Variants in ANKMY1 observed in about 807,000 individuals in gnomAD.
ANKMY1 encodes the protein ankyrin repeat and MYND domain containing 1.
In ANKMY1, 98 loss-of-function variants were observed where a neutral mutation model predicts 102.0. That is an observed-to-expected ratio of 0.96 (90% CI 0.82 to 1.14). The LOEUF (loss-of-function observed/expected upper bound fraction) is 1.14. ANKMY1 is among the 50% of genes most tolerant of loss of function. The pLI is 0.00. For missense variants in ANKMY1, 1,330 were observed against 1,347.6 expected (o/e 0.99, Z 0.20); for synonymous variants, 582 against 559.9 (o/e 1.04, Z -0.56).
At chr2:240,540,675 G>A (rs60037796) in intron 4 of ANKMY1, among the ~76,000 whole-genome samples, 4,933 of 152,236 alleles carry the variant, frequency 0.032, 112 homozygotes, top group Middle Eastern at 0.13. Flanking sequence ...CTCCTCCGCT[G>A]CAGCACCTGA....
Position 240,499,802 on chromosome 2 carries a change from G to A in ANKMY1, c.2806+156C>T, listed in dbSNP as rs976929964. Among the ~76,000 whole-genome samples, 5 of 152,110 alleles carry A rather than the reference G, an allele frequency of 3.3e-5. No homozygotes were observed. The highest frequency in any genetic ancestry group is 7.4e-5 in the Non-Finnish European group (5 of 67,982). On this transcript the variant is annotated intron_variant, in intron 15 of 17. Transcript: ENST00000401804. The surrounding 1 kb of genome is among the most constrained non-coding windows in gnomAD (Gnocchi z 4.2). ...TCAGTCTCTCCTGGACGAGCTCCTT[G>A]GACGACGGGACACAAAGGGGACAAG...
rs571569158 is a variant in ANKMY1, at chr2:240,492,652, T to C, written c.2806+7306A>G. ...ATTTATTTGTATTGTTTGTTCAGTA[T>C]TCTCTTCTATTTCAGGTCCTTTTAA... On this transcript the variant is annotated intron_variant, in intron 15 of 17. Coordinates refer to ENST00000401804, the MANE Select transcript of ANKMY1 (RefSeq NM_001282771.3). Among the ~76,000 whole-genome samples the C allele has an allele frequency of 2.6e-5, 4 of 152,342 alleles. No individual in the cohort carries two copies. The East Asian group carries it at 7.7e-4, about 29-fold the overall frequency.
intron 4 of ANKMY1, among the ~76,000 whole-genome samples, chr2:240,540,054 G>A (rs1397021975): frequency 6.6e-6 from 1 of 152,216 alleles, no homozygotes; most frequent in Non-Finnish European, 1.5e-5. Flanking sequence ...CACACCTGCA[G>A]GCCATCAATC....
chr2:240,500,137 C>A lies in ANKMY1; in HGVS notation c.2641-14G>T, dbSNP rs367809185. On this transcript the variant is annotated splice_polypyrimidine_tract_variant and intron_variant, in intron 14 of 17. Coordinates refer to ENST00000401804, the MANE Select transcript of ANKMY1 (RefSeq NM_001282771.3). Reference sequence around the variant, plus strand: ...AATCCTCCGGTCCTGCGGCACAGCACCAGGGTCACCACAGGGTCCCGGGCC... The same window carrying A: ...AATCCTCCGGTCCTGCGGCACAGCAACAGGGTCACCACAGGGTCCCGGGCC... 1.4e-4 allele frequency: 217 copies of A among 1,580,896 alleles called. 1 individual carries two copies. In the African/African-American group the frequency reaches 2.7e-3, roughly 20 times the overall value.
intron 4 of ANKMY1, among the ~76,000 whole-genome samples, chr2:240,550,545 T>C (rs2091330073): frequency 6.6e-6 from 1 of 152,112 alleles, no homozygotes; most frequent in Non-Finnish European, 1.5e-5. Context: ...GATCTTACTC[T>C]TGATGAAGGT....
intron 3 of ANKMY1, chr2:240,553,880 GA>G (rs2091944318): frequency 6.6e-6 from 1 of 151,880 alleles, no homozygotes; most frequent in African/African-American, 2.4e-5. Context: ...TGGGCAACAA[GA>G]GTGAAATTCC....
chr2:240,558,860 C>T (rs1233935140), upstream of ANKMY1, among the ~76,000 whole-genome samples: 3 of 152,172 alleles, frequency 2.0e-5, no homozygotes, highest in Admixed American at 1.3e-4. Flanking sequence ...TACACCACGA[C>T]CCAGTACAAA....
rs1275626872 is a variant in ANKMY1, at chr2:240,524,386, GGAAA to G, written c.1336-9_1336-6del. On this transcript the variant is annotated splice_polypyrimidine_tract_variant and splice_region_variant and intron_variant, in intron 7 of 17. Coordinates refer to ENST00000401804, the MANE Select transcript of ANKMY1 (RefSeq NM_001282771.3). ...AACTGGGAATTTTGGAGGTTCCTTT[GGAAA>G]GAACCAAAAAAGTGTCATTAGAATA... 1.3e-6 allele frequency: 2 copies of G among 1,582,494 alleles called. No individual in the cohort carries two copies. Among genetic ancestry groups the G allele is most frequent in the East Asian group, 4.5e-5 (2 of 44,498 alleles).
At chr2:240,509,219 G>A in intron 12 of ANKMY1, 129 bp downstream of exon 12, 1 of 694,316 alleles carries the variant, frequency 1.4e-6, no homozygotes, top group Non-Finnish European at 2.3e-6. Context: ...ATGGGTGGAT[G>A]GATGAATGGA....
Position 240,525,984 on chromosome 2 carries a change from A to C in ANKMY1, c.1171-135T>G. The C allele has an allele frequency of 5.8e-6, 7 of 1,206,598 alleles. No individual in the cohort carries two copies. The East Asian group carries it at 1.4e-4, about 24-fold the overall frequency. 74.7% of individuals were successfully genotyped at this position (1,206,598 alleles called of 1,614,324 possible). ...ACCAGTGCTCATTCGGGAGCTTGGC[A>C]AAGGGACAAGTGTGGGACAGAGGAA... On this transcript the variant is annotated intron_variant, in intron 6 of 17. Coordinates refer to ENST00000401804, the MANE Select transcript of ANKMY1 (RefSeq NM_001282771.3).
intron 12 of ANKMY1, 65 bp from the exon 13 acceptor site, chr2:240,507,756 C>T (rs1343834863): frequency 1.3e-6 from 2 of 1,523,680 alleles, no homozygotes; most frequent in East Asian, 2.3e-5. Flanking sequence ...AGGGGAAGGC[C>T]CCAGGGCTGG....
intron 9 of ANKMY1, among the ~76,000 whole-genome samples, chr2:240,516,267 C>G (rs1378191055): frequency 6.6e-6 from 1 of 151,480 alleles, no homozygotes; most frequent in African/African-American, 2.4e-5. Flanking sequence ...ATGACAAACT[C>G]CAAAAGCAAA....
upstream of ANKMY1, chr2:240,560,699 A>G (rs369647658): frequency 3.9e-6 from 6 of 1,527,616 alleles, no homozygotes; most frequent in African/African-American, 5.8e-5. Context: ...GACCGGCAGA[A>G]GCTGGGCGCC....
chr2:240,509,305 A>G (rs1258335322), intron 12 of ANKMY1, 43 bp downstream of exon 12: 1 of 1,531,294 alleles, frequency 6.5e-7, no homozygotes, highest in Non-Finnish European at 8.9e-7. Flanking sequence ...CTGGAGACGG[A>G]AACACATAGG....
At chr2:240,519,937 G>A (rs1275545251) in intron 9 of ANKMY1, 5 of 278,938 alleles carry the variant, frequency 1.8e-5, no homozygotes, top group African/African-American at 6.8e-5. Flanking sequence ...AATATTTTGC[G>A]GCTGGATCTG....
intron 11 of ANKMY1, among the ~76,000 whole-genome samples, chr2:240,511,311 G>A (rs975031054): frequency 3.3e-5 from 5 of 152,220 alleles, no homozygotes; most frequent in African/African-American, 9.6e-5. Flanking sequence ...CATGTGCTCC[G>A]TGGCCAACTG....
At position 240,520,464 on chromosome 2, in the gene ANKMY1, C is replaced by T. The variant is rs201466620; in HGVS notation, c.1902G>A (p.Val634=). 6.2e-7 allele frequency: 1 copy of T among 1,613,468 alleles called. No individual in the cohort carries two copies. The highest frequency in any genetic ancestry group is 8.5e-7 in the Non-Finnish European group (1 of 1,179,796). The stretch of plus-strand genomic sequence containing the variant: ...CAGCAAGGAACAGGACCTGCATGGG[C>T]ACGCAGCACAGGTTGGGGTCCGCGC... ...RRGADPNLCC[V]PMQVLFLAVK... The change falls in exon 9 of 18, where the codon GTG becomes GTA. Residue 634 remains valine, a synonymous_variant. Transcript: ENST00000401804. The surrounding 1 kb of genome is among the most constrained non-coding windows in gnomAD (Gnocchi z 4.8).
chr2:240,560,395 G>T, upstream of ANKMY1: 1 of 290,668 alleles, frequency 3.4e-6, no homozygotes, highest in Non-Finnish European at 6.2e-6. Context: ...CGGGGGCGGG[G>T]AGGACGGCGC....
intron 7 of ANKMY1, among the ~76,000 whole-genome samples, chr2:240,524,713 G>T (rs2083007467): frequency 6.6e-6 from 1 of 152,238 alleles, no homozygotes; most frequent in South Asian, 2.1e-4. Flanking sequence ...TAATGATGCT[G>T]CTTATATTGA....
Sources: allele counts gnomAD v4.1 joint callset (sites outside exome capture counted in the v4.1 genomes callset), GRCh38; gene constraint gnomAD v4.1.1; non-coding constraint Gnocchi (gnomAD v3.1); transcripts MANE v1.5; gene names NCBI Gene and HGNC (gene_info 2026-07-23, HGNC 2026-07-21).